SNCAIP: variants seen among roughly 807,000 people sequenced by gnomAD.
SNCAIP encodes the protein synuclein alpha interacting protein, also known as synphilin-1.
Under a neutral mutation model 86.7 loss-of-function variants are expected in SNCAIP, and 43 were observed. The ratio of observed to expected loss-of-function variants is 0.50; its 90% CI spans 0.39 to 0.64. The LOEUF (loss-of-function observed/expected upper bound fraction) is 0.64. Ranked by LOEUF, SNCAIP falls within the 30% of genes least tolerant of loss-of-function variation. The pLI is 0.00. For synonymous variants in SNCAIP, 417 were observed against 427.2 expected, an observed-to-expected ratio of 0.98 and a Z score of 0.29; for missense variants, 981 against 1,103.1, an observed-to-expected ratio of 0.89 and a Z score of 1.57.
intron 3 of SNCAIP, among the ~76,000 whole-genome samples, chr5:122,411,285 C>G (rs1210387419): frequency 1.3e-5 from 2 of 152,152 alleles, no homozygotes; most frequent in Non-Finnish European, 2.9e-5. Context: ...TTGACTTTGT[C>G]TGGCTTTGCC....
chr5:122,448,877 G>A (rs918603192), intron 8 of SNCAIP, among the ~76,000 whole-genome samples: 3 of 149,504 alleles, frequency 2.0e-5, no homozygotes, highest in Middle Eastern at 3.2e-3. Context: ...TTAGCTGGGC[G>A]GAGTGGCGGG....
At chr5:122,411,249 A>T (rs575756563) in intron 3 of SNCAIP, among the ~76,000 whole-genome samples, 2 of 152,284 alleles carry the variant, frequency 1.3e-5, no homozygotes, top group African/African-American at 4.8e-5. Context: ...AGGGACAAGG[A>T]CAAATGGATA....
intron 2 of SNCAIP, among the ~76,000 whole-genome samples, chr5:122,394,314 G>A (rs1481869261): frequency 6.6e-6 from 1 of 152,092 alleles, no homozygotes; most frequent in African/African-American, 2.4e-5. Context: ...CCTGGTTCTT[G>A]TTTTAATTAA....
At chr5:122,381,535 A>G (rs1766810589) in intron 1 of SNCAIP, among the ~76,000 whole-genome samples, 1 of 147,054 alleles carries the variant, frequency 6.8e-6, no homozygotes, top group Admixed American at 6.8e-5. Flanking sequence ...CATTTAGTCC[A>G]TTTACATTTA....
At chr5:122,380,106 G>T (rs961975631) in intron 1 of SNCAIP, among the ~76,000 whole-genome samples, 4 of 152,080 alleles carry the variant, frequency 2.6e-5, no homozygotes, top group African/African-American at 7.2e-5. Context: ...AATAGTTTCA[G>T]AAGGAATGGT....
chr5:122,440,730 G>A lies in SNCAIP; in HGVS notation c.1398G>A (p.Gln466=). The change falls in exon 7 of 11, where the codon CAG becomes CAA. Residue 466 remains glutamine (Q), a synonymous_variant. Transcript: ENST00000261368. ...DGNSAVHVAS[Q]HGYLGCIQTL... ...ACAGTGCCGTTCACGTAGCCTCACA[G>A]CATGGCTACCTTGGATGCATACAGG... 3.1e-6 allele frequency: 5 copies of A among 1,614,090 alleles called. No homozygotes were observed. Among genetic ancestry groups the A allele is most frequent in the Non-Finnish European group, 4.2e-6 (5 of 1,179,944 alleles).
chr5:122,426,867 G>T (rs1561743703), intron 5 of SNCAIP, among the ~76,000 whole-genome samples: 2 of 152,178 alleles, frequency 1.3e-5, no homozygotes, highest in South Asian at 2.1e-4. Flanking sequence ...AGTTTACCAG[G>T]TACTGCGTTT....
intron 3 of SNCAIP, 23 bp from the exon 4 acceptor site, chr5:122,422,845 C>T: frequency 6.2e-7 from 1 of 1,603,124 alleles, no homozygotes; most frequent in South Asian, 1.1e-5. Flanking sequence ...TAATAGCTTT[C>T]TATTTTAATT....
At position 122,450,994 on chromosome 5, in the gene SNCAIP, G is replaced by A; in HGVS notation, c.2147G>A (p.Ser716Asn). ...ESVESMDSAE[S>N]LHLMIKKHTL... ...GTAGAGAGTATGGACAGCGCAGAAA[G>A]CCTGCACCTGATGATTAAGAAACAC... is the stretch of plus-strand genomic sequence containing the variant. Residue 716 changes from serine to asparagine, a missense_variant, in exon 10 of 11, where the codon AGC becomes AAC. Transcript: ENST00000261368. The A allele has an allele frequency of 1.2e-6, 2 of 1,614,172 alleles. No individual in the cohort carries two copies. Among genetic ancestry groups the A allele is most frequent in the Non-Finnish European group, 1.7e-6 (2 of 1,180,028 alleles).
chr5:122,412,636 C>A (rs1433352492), intron 3 of SNCAIP, among the ~76,000 whole-genome samples: 1 of 152,148 alleles, frequency 6.6e-6, no homozygotes, highest in Non-Finnish European at 1.5e-5. Flanking sequence ...CAGTTGGTCT[C>A]TCATACATGC....
intron 1 of SNCAIP, among the ~76,000 whole-genome samples, chr5:122,324,338 C>G (rs1417944925): frequency 6.6e-6 from 1 of 152,196 alleles, no homozygotes; most frequent in Admixed American, 6.5e-5. Context: ...CACCACTCTA[C>G]TCCAGCATGC....
chr5:122,363,401 C>T (rs1762565984), intron 1 of SNCAIP, among the ~76,000 whole-genome samples: 1 of 152,196 alleles, frequency 6.6e-6, no homozygotes, highest in Admixed American at 6.5e-5. Context: ...GCATTGCTCC[C>T]TGGAAGGGAC....
At chr5:122,448,202 T>A (rs950069910) in intron 8 of SNCAIP, among the ~76,000 whole-genome samples, 1 of 152,182 alleles carries the variant, frequency 6.6e-6, no homozygotes. Context: ...TATGATATAT[T>A]TGTTTAGTTA....
chr5:122,447,764 G>A (rs140423221), intron 8 of SNCAIP, among the ~76,000 whole-genome samples: 181 of 152,284 alleles, frequency 1.2e-3, no homozygotes, highest in African/African-American at 4.1e-3. Flanking sequence ...AAATGTTACT[G>A]GAACACAGCC....
At chr5:122,326,118 G>T (rs533752222) in intron 1 of SNCAIP, among the ~76,000 whole-genome samples, 1 of 152,280 alleles carries the variant, frequency 6.6e-6, no homozygotes, top group South Asian at 2.1e-4. Context: ...TACTGTAAGG[G>T]CTGAGGCTAA....
At chr5:122,347,321 CCA>C (rs919604678) in intron 1 of SNCAIP, among the ~76,000 whole-genome samples, 10 of 151,804 alleles carry the variant, frequency 6.6e-5, no homozygotes, top group Admixed American at 6.6e-4. Context: ...AACATCTTTA[CCA>C]CAAAGAACAT....
chr5:122,362,711 A>C (rs1376552169), intron 1 of SNCAIP, among the ~76,000 whole-genome samples: 1 of 152,176 alleles, frequency 6.6e-6, no homozygotes, highest in African/African-American at 2.4e-5. Flanking sequence ...ACTCAGTTGG[A>C]GTTTGACGGA....
intron 1 of SNCAIP, among the ~76,000 whole-genome samples, chr5:122,350,516 TTG>T (rs1759541131): frequency 6.6e-6 from 1 of 151,526 alleles, no homozygotes; most frequent in Non-Finnish European, 1.5e-5. Flanking sequence ...GATTTTTTGT[TTG>T]TTTTTTTTTT....
intron 1 of SNCAIP, among the ~76,000 whole-genome samples, chr5:122,384,810 A>G (rs981950327): frequency 1.3e-5 from 2 of 152,198 alleles, no homozygotes; most frequent in African/African-American, 4.8e-5. Context: ...TGATATTCCA[A>G]GATGTGCTCT....
Sources: gnomAD v4.1 joint callset for allele counts (sites outside exome capture counted in the v4.1 genomes callset) on GRCh38, gnomAD v4.1.1 for gene constraint, MANE v1.5 for transcripts, NCBI Gene and HGNC (gene_info 2026-07-23, HGNC 2026-07-21) for gene names.